The following PPFIBP2 variants were observed in gnomAD, a reference collection of about 807,000 sequenced individuals.
The protein encoded by PPFIBP2 is PPFIB scaffold protein 2, also known as liprin-beta-2.
In PPFIBP2, 118 loss-of-function variants were observed where a neutral mutation model predicts 118.3. The ratio of observed to expected loss-of-function variants is 1.00; its 90% CI spans 0.86 to 1.16. The LOEUF (loss-of-function observed/expected upper bound fraction) is 1.16. PPFIBP2 is among the 50% of genes most tolerant of loss of function. The pLI is 0.00. For missense variants in PPFIBP2, 1,195 were observed against 1,073.1 expected, an observed-to-expected ratio of 1.11 and a Z score of -1.59; for synonymous variants, 414 against 397.4, an observed-to-expected ratio of 1.04 and a Z score of -0.50.
At position 7,653,088 on chromosome 11, in the gene PPFIBP2, A is replaced by C; in HGVS notation, c.2501A>C (p.Asp834Ala). ...AAAAAGAAGTTCGATGAATCGACGGACTACATTTGCCCAATGGAGCCCAGT... is the reference window on the plus strand; with the variant it reads ...AAAAAGAAGTTCGATGAATCGACGGCCTACATTTGCCCAATGGAGCCCAGT... ...IRKKKFDESTDYICPMEPSDG... is the reference protein window; with the variant it reads ...IRKKKFDESTAYICPMEPSDG... The change falls in exon 24 of 24, where the codon GAC becomes GCC. Residue 834 changes from aspartate to alanine, a missense_variant. Physicochemically the swap from Asp to Ala is moderately radical, Grantham distance 126. Transcript: ENST00000299492. 1.2e-6 allele frequency: 2 copies of C among 1,613,996 alleles called. No individual in the cohort carries two copies. Among genetic ancestry groups the C allele is most frequent in the Non-Finnish European group, 1.7e-6 (2 of 1,179,822 alleles).
chr11:7,643,470 T>G (rs767096393), intron 17 of PPFIBP2, among the ~76,000 whole-genome samples: 3 of 152,228 alleles, frequency 2.0e-5, no homozygotes, highest in Non-Finnish European at 4.4e-5. Flanking sequence ...TAGCTTTCTT[T>G]GCCAAAGGAA....
intron 3 of PPFIBP2, among the ~76,000 whole-genome samples, chr11:7,585,234 T>C (rs1286299853): frequency 1.3e-5 from 2 of 152,126 alleles, no homozygotes; most frequent in Middle Eastern, 3.2e-3. Context: ...ATGACAACTA[T>C]TGATATCAAA....
At chr11:7,666,580 C>T in the PPFIBP2 span, 19 of 1,532,466 alleles carry the variant, frequency 1.2e-5, no homozygotes, top group African/African-American at 2.0e-4. Context: ...GAAAAAGCCC[C>T]TCCAGGGCCA....
At chr11:7,632,797 C>T (rs904764194) in intron 11 of PPFIBP2, 70 bp from the exon 12 acceptor site, 3 of 1,230,390 alleles carry the variant, frequency 2.4e-6, no homozygotes, top group African/African-American at 1.5e-5. Context: ...TCATGTGAAG[C>T]AGGGGGAAAG....
downstream of PPFIBP2, among the ~76,000 whole-genome samples, chr11:7,654,186 A>G (rs1854471786): frequency 6.6e-6 from 1 of 152,186 alleles, no homozygotes; most frequent in South Asian, 2.1e-4. Context: ...GCTCATAACC[A>G]TGGTGGGGGC....
At chr11:7,533,220 G>A (rs1002268526) in intron 1 of PPFIBP2, among the ~76,000 whole-genome samples, 25 of 152,146 alleles carry the variant, frequency 1.6e-4, no homozygotes, top group African/African-American at 4.1e-4. Flanking sequence ...TGGTAGAGAC[G>A]CTTTCACCTC....
chr11:7,589,990 A>T (rs1858945199), intron 3 of PPFIBP2, among the ~76,000 whole-genome samples: 1 of 152,212 alleles, frequency 6.6e-6, no homozygotes, highest in African/African-American at 2.4e-5. Context: ...AAAGCTTATT[A>T]TGCCTTGATG....
At position 7,628,324 on chromosome 11, in the gene PPFIBP2, T is replaced by C. The variant is rs2135722331; in HGVS notation, c.866T>C (p.Leu289Ser). ...IQRLKMGMET[L>S]LLANEDKDRR... ...CGTCTGAAAATGGGGATGGAAACTT[T>C]GCTGCTTGCCAATGAAGATAAGGTA... The change falls in exon 9 of 24, where the codon TTG becomes TCG. Residue 289 changes from leucine to serine, a missense_variant. By Grantham distance (145) the Leu-to-Ser change is moderately radical (BLOSUM62 -2). Coordinates refer to ENST00000299492, the MANE Select transcript of PPFIBP2 (RefSeq NM_003621.5). The C allele has an allele frequency of 3.7e-6, 6 of 1,614,024 alleles. No individual in the cohort carries two copies. In the Middle Eastern group the frequency reaches 8.3e-4, roughly 222 times the overall value.
At chr11:7,663,890 T>C in the PPFIBP2 span, among the ~76,000 whole-genome samples, 5 of 152,090 alleles carry the variant, frequency 3.3e-5, no homozygotes, top group East Asian at 3.9e-4. Flanking sequence ...CGCAGTATTC[T>C]GGTGGGAGTG....
intron 1 of PPFIBP2, among the ~76,000 whole-genome samples, chr11:7,535,725 G>T (rs1253733534): frequency 3.3e-5 from 5 of 152,192 alleles, no homozygotes; most frequent in Non-Finnish European, 7.3e-5. Context: ...AGACTGCTGT[G>T]GGAGAGGCCA....
At chr11:7,542,299 G>T (rs1031256908) in intron 1 of PPFIBP2, among the ~76,000 whole-genome samples, 6 of 152,234 alleles carry the variant, frequency 3.9e-5, no homozygotes, top group African/African-American at 1.2e-4. Context: ...ACAGTTATCT[G>T]CCCAATATAT....
At chr11:7,665,548 T>C in the PPFIBP2 span, 1 of 1,598,346 alleles carries the variant, frequency 6.3e-7, no homozygotes, top group Non-Finnish European at 8.5e-7. Context: ...ACTTCCAGCC[T>C]GAAATGAAGG....
At chr11:7,534,205 GC>G (rs1212105180) in intron 1 of PPFIBP2, among the ~76,000 whole-genome samples, 1 of 152,192 alleles carries the variant, frequency 6.6e-6, no homozygotes, top group Non-Finnish European at 1.5e-5. Flanking sequence ...AGAATTCTCT[GC>G]CCCCTGCCCT....
At chr11:7,627,518 C>T (rs920231484) in intron 8 of PPFIBP2, among the ~76,000 whole-genome samples, 1 of 151,832 alleles carries the variant, frequency 6.6e-6, no homozygotes, top group Non-Finnish European at 1.5e-5. Context: ...CTTCTTTGAA[C>T]AATCTAGCTA....
chr11:7,650,691 T>C (rs906751529), intron 21 of PPFIBP2, 149 bp from the exon 22 acceptor site: 1 of 682,288 alleles, frequency 1.5e-6, no homozygotes. Flanking sequence ...AGGCTGGTGC[T>C]CTGGCAGATG....
chr11:7,541,092 G>C (rs1169491996), intron 1 of PPFIBP2, among the ~76,000 whole-genome samples: 3 of 152,212 alleles, frequency 2.0e-5, no homozygotes, highest in African/African-American at 7.2e-5. Flanking sequence ...TAAGCAAAAG[G>C]GTGCCTGGTG....
chr11:7,665,629 G>A, the PPFIBP2 span: 1 of 1,404,524 alleles, frequency 7.1e-7, no homozygotes, highest in South Asian at 1.4e-5. Flanking sequence ...CCCACCCTCA[G>A]CCAGGGAGGA....
intron 3 of PPFIBP2, among the ~76,000 whole-genome samples, chr11:7,569,521 G>A (rs1855415370): frequency 6.6e-6 from 1 of 152,194 alleles, no homozygotes; most frequent in African/African-American, 2.4e-5. Context: ...CCTCAGTGGG[G>A]CAAGGAACAA....
chr11:7,603,467 G>T (rs980838751), intron 5 of PPFIBP2, among the ~76,000 whole-genome samples: 1 of 152,126 alleles, frequency 6.6e-6, no homozygotes, highest in African/African-American at 2.4e-5. Context: ...ACTTCAAAGG[G>T]CAAAGAGACT....
Sources: allele counts gnomAD v4.1 joint callset (sites outside exome capture counted in the v4.1 genomes callset), GRCh38; gene constraint gnomAD v4.1.1; transcripts MANE v1.5; gene names NCBI Gene and HGNC (gene_info 2026-07-23, HGNC 2026-07-21).